GNAQ: variants seen among roughly 807,000 people sequenced by gnomAD.
The protein encoded by GNAQ is guanine nucleotide-binding protein G(q) subunit alpha.
Under a neutral mutation model 43.9 loss-of-function variants are expected in GNAQ, and 8 were observed. The observed-to-expected ratio is 0.18, with a 90% CI of 0.11 to 0.33. The LOEUF is 0.33. Ranked by LOEUF, GNAQ falls within the 10% of genes least tolerant of loss-of-function variation. The pLI is 1.00. For missense variants in GNAQ, 158 were observed against 450.8 expected, an observed-to-expected ratio of 0.35 and a Z score of 5.88; for synonymous variants, 155 against 170.7, an observed-to-expected ratio of 0.91 and a Z score of 0.71.
At chr9:77,918,188 A>G (rs1257877338) in intron 2 of GNAQ, among the ~76,000 whole-genome samples, 1 of 152,216 alleles carries the variant, frequency 6.6e-6, no homozygotes, top group Non-Finnish European at 1.5e-5. Context: ...CATATAATGT[A>G]CAGGCCATGT....
rs1264845347 is a variant in GNAQ, at chr9:77,720,608, T to C, written c.*715A>G. On this transcript the variant is annotated 3_prime_UTR_variant, in exon 7 of 7. Transcript: ENST00000286548. ...TGTCTTTGATCCTGCCTTCTGCATA[T>C]TTCTCTGAGCAATCAAGCTATGGCT... 2 of 233,214 alleles carry C rather than the reference T, an allele frequency of 8.6e-6. No homozygotes were observed. The highest frequency in any genetic ancestry group is 1.7e-5 in the Non-Finnish European group (2 of 117,968). 14.4% of individuals were successfully genotyped at this position (233,214 alleles called of 1,614,324 possible). A position where few individuals can be genotyped will look rare whatever the true frequency, so the allele number is the denominator to read the frequency against.
At chr9:77,863,179 A>AAAGGAAGGAAGGAAGGAAGGAAGGAAGG (rs750178023) in intron 2 of GNAQ, among the ~76,000 whole-genome samples, 252 of 130,112 alleles carry the variant, frequency 1.9e-3, no homozygotes, top group Middle Eastern at 3.7e-3. Context: ...CGTATGAAAG[A>AAAGGAAGGAAGGAAGGAAGGAAGGAAGG]AAGGAAGGAA....
intron 2 of GNAQ, among the ~76,000 whole-genome samples, chr9:77,844,251 T>C (rs1827543346): frequency 6.6e-6 from 1 of 152,078 alleles, no homozygotes; most frequent in Non-Finnish European, 1.5e-5. Context: ...TCTAAAATAA[T>C]GATCCCACTC....
intron 2 of GNAQ, among the ~76,000 whole-genome samples, chr9:77,865,916 C>T (rs955383219): frequency 2.6e-5 from 4 of 152,164 alleles, no homozygotes; most frequent in African/African-American, 9.7e-5. Context: ...AAGATTTACT[C>T]TGTGCTGGCT....
chr9:77,966,736 T>G (rs530835429), intron 1 of GNAQ, among the ~76,000 whole-genome samples: 3 of 152,292 alleles, frequency 2.0e-5, no homozygotes, highest in Non-Finnish European at 4.4e-5. Context: ...ATAATAATAT[T>G]CACTCTGTGA....
intron 2 of GNAQ, among the ~76,000 whole-genome samples, chr9:77,857,558 G>A (rs1032884159): frequency 7.3e-6 from 1 of 137,686 alleles, no homozygotes; most frequent in Non-Finnish European, 1.6e-5. Context: ...GGGAGGGAGG[G>A]AAGGAAGGAA....
chr9:77,956,392 C>T (rs887028306), intron 1 of GNAQ, among the ~76,000 whole-genome samples: 1 of 152,204 alleles, frequency 6.6e-6, no homozygotes, highest in Non-Finnish European at 1.5e-5. Flanking sequence ...TTATTCACTA[C>T]AAATGCCCAG....
At chr9:77,861,663 A>T (rs917214731) in intron 2 of GNAQ, among the ~76,000 whole-genome samples, 1 of 152,082 alleles carries the variant, frequency 6.6e-6, no homozygotes, top group African/African-American at 2.4e-5. Context: ...AAAGGTCCAA[A>T]ATGATCTCCT....
chr9:77,919,023 G>A (rs553785548), intron 2 of GNAQ, among the ~76,000 whole-genome samples: 1 of 152,182 alleles, frequency 6.6e-6, no homozygotes, highest in South Asian at 2.1e-4. Flanking sequence ...GGGTTCAAGC[G>A]ATTCTCCTGC....
At chr9:77,803,870 T>A (rs1225356653) in intron 3 of GNAQ, among the ~76,000 whole-genome samples, 1 of 152,220 alleles carries the variant, frequency 6.6e-6, no homozygotes. Context: ...TCATGCCCAT[T>A]AGTTTACACC....
At chr9:78,025,821 T>C (rs1823972646) in intron 1 of GNAQ, among the ~76,000 whole-genome samples, 1 of 152,176 alleles carries the variant, frequency 6.6e-6, no homozygotes, top group Non-Finnish European at 1.5e-5. Context: ...TTAATATGAA[T>C]GCTGGAATCA....
intron 2 of GNAQ, among the ~76,000 whole-genome samples, chr9:77,898,524 C>G (rs1828540499): frequency 6.6e-6 from 1 of 152,110 alleles, no homozygotes; most frequent in African/African-American, 2.4e-5. Flanking sequence ...AGCAACCTAT[C>G]TGTTAGTTAT....
rs577474493 is a variant in GNAQ at position 77,909,858 on chromosome 9, G to C, written c.321+12303C>G. Among the ~76,000 whole-genome samples the C allele has an allele frequency of 5.9e-5, 9 of 152,006 alleles. 2 individuals carry two copies. The South Asian group carries it at 1.9e-3, about 31-fold the overall frequency. ...GAGTAACTGCAGCTATTAATGAAGA[G>C]CTTATTTTTTTCTCTCCTGAAAGGA... On this transcript the variant is annotated intron_variant, in intron 2 of 6. Coordinates refer to ENST00000286548, the MANE Select transcript of GNAQ (RefSeq NM_002072.5).
intron 2 of GNAQ, among the ~76,000 whole-genome samples, chr9:77,818,255 C>G (rs1198326220): frequency 6.6e-6 from 1 of 152,168 alleles, no homozygotes; most frequent in African/African-American, 2.4e-5. Context: ...TTTGTTGTTT[C>G]ATTCCATCCT....
At chr9:77,729,868 C>G (rs1825460872) in intron 5 of GNAQ, among the ~76,000 whole-genome samples, 1 of 152,134 alleles carries the variant, frequency 6.6e-6, no homozygotes, top group African/African-American at 2.4e-5. Flanking sequence ...GGGCTCTGAT[C>G]CAGGCCCCAA....
intron 5 of GNAQ, among the ~76,000 whole-genome samples, chr9:77,761,387 C>T (rs1234385631): frequency 3.5e-4 from 45 of 128,552 alleles, no homozygotes; most frequent in East Asian, 7.9e-4. Flanking sequence ...TCTGCCCGGC[C>T]GCCCCTACTG....
chr9:77,805,550 G>A (rs997193445), intron 3 of GNAQ, among the ~76,000 whole-genome samples: 7 of 151,812 alleles, frequency 4.6e-5, no homozygotes, highest in African/African-American at 9.7e-5. Context: ...GATTACATGC[G>A]CGCAGCACCA....
chr9:77,738,782 C>A (rs1462068032), intron 5 of GNAQ, among the ~76,000 whole-genome samples: 2 of 152,076 alleles, frequency 1.3e-5, no homozygotes, highest in African/African-American at 4.8e-5. Context: ...TACATGGGGT[C>A]TGCAGCTACT....
intron 2 of GNAQ, among the ~76,000 whole-genome samples, chr9:77,819,798 C>G (rs1309346178): frequency 2.0e-5 from 3 of 150,734 alleles, no homozygotes; most frequent in Non-Finnish European, 3.0e-5. Context: ...AAAAAAAACC[C>G]TCAGCCTTTT....
Sources: gnomAD v4.1 joint callset for allele counts (sites outside exome capture counted in the v4.1 genomes callset) on GRCh38, gnomAD v4.1.1 for gene constraint, MANE v1.5 for transcripts, NCBI Gene and HGNC (gene_info 2026-07-23, HGNC 2026-07-21) for gene names.